The following C2CD3 variants were observed in gnomAD, a reference collection of about 807,000 sequenced individuals.
C2CD3 encodes C2 domain-containing protein 3.
C2CD3 carries 148 observed loss-of-function variants against 234.0 expected under a neutral mutation model. That is an observed-to-expected ratio of 0.63 (90% confidence interval 0.55 to 0.72). C2CD3 has a LOEUF of 0.72. Ranked by LOEUF, C2CD3 falls within the 30% of genes least tolerant of loss-of-function variation. The pLI, the probability that C2CD3 is intolerant of heterozygous loss-of-function variation, is 0.00. For synonymous variants in C2CD3, 1,000 were observed against 1,035.4 expected (o/e 0.97, Z 0.66); for missense variants, 2,577 against 2,811.5 (o/e 0.92, Z 1.89).
intron 3 of C2CD3, among the ~76,000 whole-genome samples, chr11:74,156,775 G>A (rs1856056672): frequency 1.3e-5 from 2 of 152,186 alleles, no homozygotes; most frequent in South Asian, 2.1e-4. Context: ...TTTGAGACCA[G>A]CCTGGCCAAC....
At chr11:74,014,026 A>G (rs1240006349) in intron 32 of C2CD3, among the ~76,000 whole-genome samples, 3 of 152,166 alleles carry the variant, frequency 2.0e-5, no homozygotes, top group Non-Finnish European at 4.4e-5. Flanking sequence ...GGTGACATAA[A>G]GCACCTACCT....
chr11:74,091,771 T>C (rs541948020), intron 19 of C2CD3, among the ~76,000 whole-genome samples: 4 of 152,214 alleles, frequency 2.6e-5, no homozygotes, highest in Non-Finnish European at 4.4e-5. Context: ...TTAGAATTTA[T>C]GGCATGAGGG....
intron 2 of C2CD3, among the ~76,000 whole-genome samples, chr11:74,162,658 T>C (rs190777081): frequency 1.3e-5 from 2 of 152,236 alleles, no homozygotes; most frequent in Non-Finnish European, 2.9e-5. Flanking sequence ...CAACAACAAA[T>C]ACCACACACT....
At chr11:74,070,672 C>T (rs1565253629) in intron 24 of C2CD3, 1 of 152,126 alleles carries the variant, frequency 6.6e-6, no homozygotes, top group Non-Finnish European at 1.5e-5. Context: ...CAAATATGAC[C>T]TTGCCTCTCC....
At chr11:74,123,287 T>A (rs1957284045) in intron 7 of C2CD3, 152 bp from the exon 8 acceptor site, 1 of 614,452 alleles carries the variant, frequency 1.6e-6, no homozygotes. Context: ...GAATAAATAT[T>A]TCCCAATTAT....
chr11:74,018,700 A>G (rs1442181907), intron 32 of C2CD3, among the ~76,000 whole-genome samples: 2 of 152,026 alleles, frequency 1.3e-5, no homozygotes. Flanking sequence ...TACTACAGAG[A>G]GCAGCAAACT....
chr11:74,161,478 G>A lies in C2CD3; in HGVS notation c.404C>T (p.Ala135Val). The A allele has an allele frequency of 6.3e-7, 1 of 1,599,448 alleles. No homozygotes were observed. The highest frequency in any genetic ancestry group is 8.5e-7 in the Non-Finnish European group (1 of 1,170,736). ...GATTTGATGGGTTGGAGAAAGTTGA[G>A]CTAGTCCATTGATCTGAACTCTACC... ...PIGRVQINGL[A>V]QLSPTHQING... The change falls in exon 3 of 33, where the codon GCT (alanine) becomes GTT (valine). Residue 135 changes from alanine (A) to valine (V), a missense_variant. By Grantham distance (64) the Ala-to-Val change is moderately conservative. Transcript: ENST00000334126.
chr11:74,121,551 G>A (rs760480305), intron 8 of C2CD3, among the ~76,000 whole-genome samples: 10 of 143,338 alleles, frequency 7.0e-5, no homozygotes, highest in Non-Finnish European at 1.3e-4. Context: ...AGGTTGCGGT[G>A]AGCCGAGATC....
chr11:74,149,076 GCTCCA>G (rs1855420810), intron 3 of C2CD3, among the ~76,000 whole-genome samples: 3 of 151,982 alleles, frequency 2.0e-5, no homozygotes, highest in Non-Finnish European at 4.4e-5. Context: ...TACCTCTATA[GCTCCA>G]AATAACATGA....
chr11:74,133,486 T>A lies in C2CD3; in HGVS notation c.1027A>T (p.Ser343Cys). Reference protein sequence around the residue: ...ISAMKSSPETSMLLDQVHPPI... With the variant: ...ISAMKSSPETCMLLDQVHPPI... ...GGATGAACTTGGTCCAACAACATGC[T>A]GGTCTCTGGGCTTGATTTCATTGCA... Residue 343 changes from serine (S) to cysteine (C), a missense_variant, in exon 6 of 33, where the codon AGC (serine) becomes TGC (cysteine). By Grantham distance (112) the Ser-to-Cys change is moderately radical (BLOSUM62 -1). Coordinates refer to ENST00000334126, the MANE Select transcript of C2CD3 (RefSeq NM_001286577.2). 1 of 1,613,950 alleles carries A rather than the reference T, an allele frequency of 6.2e-7. No individual in the cohort carries two copies. The highest frequency in any genetic ancestry group is 8.5e-7 in the Non-Finnish European group (1 of 1,179,800).
At chr11:74,048,421 TTTA>T in intron 27 of C2CD3, 83 bp from the exon 28 acceptor site, 1 of 1,393,368 alleles carries the variant, frequency 7.2e-7, no homozygotes, top group Non-Finnish European at 9.9e-7. Context: ...GTTTGTAAAA[TTTA>T]TTGTGTGCAT....
chr11:74,170,598 C>T (rs1857117466), intron 1 of C2CD3, 140 bp downstream of exon 1: 2 of 989,112 alleles, frequency 2.0e-6, no homozygotes, highest in Non-Finnish European at 3.1e-6. Context: ...ATTGCCCTTC[C>T]TTTTAACCTT....
Position 74,048,281 on chromosome 11 carries a change from T to G in C2CD3, c.5419A>C (p.Ser1807Arg). The G allele has an allele frequency of 6.2e-7, 1 of 1,613,768 alleles. No homozygotes were observed. Among genetic ancestry groups the G allele is most frequent in the Non-Finnish European group, 8.5e-7 (1 of 1,179,822 alleles). The change falls in exon 28 of 33, where the codon AGC becomes CGC. Residue 1807 changes from serine to arginine, a missense_variant. Ser to Arg is a moderately radical substitution (Grantham distance 110). Transcript: ENST00000334126. Reference sequence around the variant, plus strand: ...TCTAGGGTCTGCCTTGCCATGTGGCTGGAGAATGCAGCATACGTATCAGAG... The same window carrying G: ...TCTAGGGTCTGCCTTGCCATGTGGCGGGAGAATGCAGCATACGTATCAGAG... ...PASDTYAAFS[S>R]HMARQTLDQL...
In C2CD3 at chr11:74,044,072, G is replaced by A. The variant is rs141131994; in HGVS notation, c.5496-1854C>T. On this transcript the variant is annotated intron_variant, in intron 28 of 32. Coordinates refer to ENST00000334126, the MANE Select transcript of C2CD3 (RefSeq NM_001286577.2). ...TAATAACATGGTCTTGACCTCCTGA[G>A]TTCAAGCGATCCTCCCACCGCAGCC... 2.7e-3 allele frequency among the ~76,000 whole-genome samples: 417 copies of A among 152,040 alleles called. 3 individuals are homozygous for A. Among genetic ancestry groups the A allele is most frequent in the African/African-American group, 9.8e-3 (408 of 41,510 alleles).
intron 9 of C2CD3, 27 bp from the exon 10 acceptor site, chr11:74,114,620 G>T: frequency 7.1e-6 from 10 of 1,403,106 alleles, no homozygotes; most frequent in Non-Finnish European, 1.0e-5. Flanking sequence ...CAAGCAGTGA[G>T]GCATACTGCT....
chr11:74,057,370 AT>A (rs567232450), intron 25 of C2CD3, 35 bp downstream of exon 25: 14 of 1,612,442 alleles, frequency 8.7e-6, no homozygotes, highest in Non-Finnish European at 1.2e-5. Context: ...CAAAAAGCAG[AT>A]TCTGGAAGGC....
intron 26 of C2CD3, among the ~76,000 whole-genome samples, chr11:74,051,420 A>G (rs1953682053): frequency 6.6e-6 from 1 of 152,190 alleles, no homozygotes; most frequent in Admixed American, 6.5e-5. Context: ...AGTATGATGG[A>G]GGTTTCTGCC....
rs780195209 is a variant in C2CD3, at chr11:74,049,493, G to A, written c.5205C>T (p.Leu1735=). The change falls in exon 27 of 33, where the codon CTC becomes CTT. Residue 1735 remains leucine, a synonymous_variant. Coordinates refer to ENST00000334126, the MANE Select transcript of C2CD3 (RefSeq NM_001286577.2). ...GFASVDLSPL[L]SGFQFVCGWY... ...AGCCACAGACAAACTGGAAGCCAGA[G>A]AGAAGTGGGGAGAGGTCCACCGAGG... is the stretch of plus-strand genomic sequence containing the variant. 6.2e-6 allele frequency: 10 copies of A among 1,612,816 alleles called. No homozygotes were observed. In the African/African-American group the frequency reaches 1.2e-4, roughly 19 times the overall value.
chr11:74,034,107 G>C lies in C2CD3; in HGVS notation c.6053C>G (p.Ser2018Cys). 3 of 1,536,194 alleles carry C rather than the reference G, an allele frequency of 2.0e-6. No homozygotes were observed. Among genetic ancestry groups the C allele is most frequent in the Non-Finnish European group, 2.6e-6 (3 of 1,146,918 alleles). ...CTCTTCGAGAGGAGGGGGTGATGGG[G>C]AATCTGTGCCTTTATCTGGAGCTCT... ...LVRAPDKGTDSPSPPPLEETS... is the reference protein window; with the variant it reads ...LVRAPDKGTDCPSPPPLEETS... The change falls in exon 31 of 33, where the codon TCC (serine) becomes TGC (cysteine). Residue 2018 changes from serine to cysteine, a missense_variant. Transcript: ENST00000334126.
Sources: allele counts gnomAD v4.1 joint callset (sites outside exome capture counted in the v4.1 genomes callset), GRCh38; gene constraint gnomAD v4.1.1; transcripts MANE v1.5; gene names NCBI Gene and HGNC (gene_info 2026-07-23, HGNC 2026-07-21).